Variants in KCNIP3 observed in about 807,000 individuals in gnomAD.
The protein encoded by KCNIP3 is calsenilin.
KCNIP3 carries 28 observed loss-of-function variants against 35.0 expected under a neutral mutation model. That is an observed-to-expected ratio of 0.80 (90% CI 0.59 to 1.10). The LOEUF (loss-of-function observed/expected upper bound fraction) is 1.10, where lower values mean the gene tolerates loss of function less well. Among genes scored for constraint, KCNIP3 ranks in the 50% least tolerant of loss-of-function variants. The probability of loss-of-function intolerance (pLI) is 0.00; values close to 1 mark genes in which losing one functional copy is unlikely to be tolerated. For synonymous variants in KCNIP3, 134 were observed against 133.8 expected (o/e 1.00, Z -0.01); for missense variants, 295 against 338.4 (o/e 0.87, Z 1.01).
At chr2:95,317,575 G>A (rs1678489067) in intron 2 of KCNIP3, among the ~76,000 whole-genome samples, 1 of 152,184 alleles carries the variant, frequency 6.6e-6, no homozygotes, top group African/African-American at 2.4e-5. Context: ...CAGAAGCAGG[G>A]ACAGAAAGCA....
At chr2:95,309,481 T>C (rs1431722018) in intron 1 of KCNIP3, among the ~76,000 whole-genome samples, 1 of 150,494 alleles carries the variant, frequency 6.6e-6, no homozygotes, top group East Asian at 1.9e-4. Context: ...TGGAGTGCAG[T>C]GGCATGATCT....
At chr2:95,381,793 C>G in intron 6 of KCNIP3, 90 bp downstream of exon 6, 3 of 895,360 alleles carry the variant, frequency 3.4e-6, no homozygotes, top group South Asian at 2.9e-5. Flanking sequence ...GCTCCTGCTG[C>G]CCACCTGTCT....
intron 1 of KCNIP3, among the ~76,000 whole-genome samples, chr2:95,306,449 G>A (rs1360602012): frequency 2.0e-5 from 3 of 152,226 alleles, no homozygotes; most frequent in African/African-American, 4.8e-5. Flanking sequence ...GAGCTGATGC[G>A]CTAAAGGGGA....
Position 95,310,430 on chromosome 2 carries a change from A to C in KCNIP3, c.91A>C (p.Lys31Gln). The change falls in exon 2 of 9, where the codon AAG becomes CAG. Residue 31 changes from lysine to glutamine, a missense_variant. Lys to Gln is a moderately conservative substitution (Grantham distance 53). Coordinates refer to ENST00000295225, the MANE Select transcript of KCNIP3 (RefSeq NM_013434.5). ...HTPLSKKEGI[K>Q]WQRPRLSRQA... Reference sequence around the variant, plus strand: ...ACCACTTAGCAAGAAGGAGGGTATCAAGTGGCAGAGGCCGAGGCTCAGCCG... The same window carrying C: ...ACCACTTAGCAAGAAGGAGGGTATCCAGTGGCAGAGGCCGAGGCTCAGCCG... 6.2e-7 allele frequency: 1 copy of C among 1,613,930 alleles called. No homozygotes were observed. Among genetic ancestry groups the C allele is most frequent in the Non-Finnish European group, 8.5e-7 (1 of 1,179,922 alleles).
At chr2:95,326,896 C>T (rs540086628) in intron 2 of KCNIP3, among the ~76,000 whole-genome samples, 1 of 152,318 alleles carries the variant, frequency 6.6e-6, no homozygotes, top group Admixed American at 6.5e-5. Context: ...GGCACTCATG[C>T]GTGGGGCCCT....
intron 1 of KCNIP3, among the ~76,000 whole-genome samples, chr2:95,298,207 G>A (rs1166072858): frequency 7.7e-6 from 1 of 129,622 alleles, no homozygotes; most frequent in Non-Finnish European, 1.6e-5. Flanking sequence ...CCTGTGAGCT[G>A]CTCACACATT....
intron 2 of KCNIP3, chr2:95,346,901 A>C: frequency 4.6e-6 from 2 of 436,374 alleles, no homozygotes; most frequent in Non-Finnish European, 7.4e-6. Flanking sequence ...TGCCGGGGGC[A>C]TGTGAGCCGT....
chr2:95,332,811 G>T (rs1336445338), intron 2 of KCNIP3, among the ~76,000 whole-genome samples: 1 of 152,152 alleles, frequency 6.6e-6, no homozygotes, highest in African/African-American at 2.4e-5. Context: ...TCAGACCTGG[G>T]TTCTCAAGCC....
intron 5 of KCNIP3, 38 bp downstream of exon 5, chr2:95,375,246 T>A: frequency 6.3e-7 from 1 of 1,575,306 alleles, no homozygotes; most frequent in Non-Finnish European, 8.7e-7. Flanking sequence ...GTCCTGCCCC[T>A]GTGGTTGCAG....
intron 5 of KCNIP3, among the ~76,000 whole-genome samples, chr2:95,380,431 C>T (rs540550789): frequency 6.6e-6 from 1 of 152,282 alleles, no homozygotes; most frequent in Non-Finnish European, 1.5e-5. Flanking sequence ...GGTGCATGGC[C>T]CTGTCCCTTG....
chr2:95,382,454 G>A lies in KCNIP3; in HGVS notation c.633G>A (p.Pro211=), dbSNP rs138092705. 47 of 1,608,600 alleles carry A rather than the reference G, an allele frequency of 2.9e-5. No individual in the cohort carries two copies. Among genetic ancestry groups the A allele is most frequent in the African/African-American group, 1.7e-4 (13 of 74,688 alleles). Reference sequence around the variant, plus strand: ...ACCCCATCCTGCGGGAGGACGCGCCGGCGGAGCACGTGGAGAGGTTCTTCG... The same window carrying A: ...ACCCCATCCTGCGGGAGGACGCGCCAGCGGAGCACGTGGAGAGGTTCTTCG... ...HTYPILREDA[P]AEHVERFFEK... The change falls in exon 7 of 9, where the codon CCG becomes CCA. Residue 211 remains proline, a synonymous_variant. Coordinates refer to ENST00000295225, the MANE Select transcript of KCNIP3 (RefSeq NM_013434.5). The surrounding 1 kb of genome is among the most constrained non-coding windows in gnomAD (Gnocchi z 4.5).
intron 2 of KCNIP3, among the ~76,000 whole-genome samples, chr2:95,328,654 G>A (rs1225543420): frequency 6.6e-6 from 1 of 152,270 alleles, no homozygotes; most frequent in East Asian, 1.9e-4. Context: ...TGCCGTCCCT[G>A]TGTGCTGGGG....
chr2:95,334,035 T>G (rs1163296236), intron 2 of KCNIP3, among the ~76,000 whole-genome samples: 1 of 152,210 alleles, frequency 6.6e-6, no homozygotes, highest in Non-Finnish European at 1.5e-5. Flanking sequence ...AAGACACCCT[T>G]GGGCCCTCGG....
At chr2:95,343,179 G>C (rs910798546) in intron 2 of KCNIP3, among the ~76,000 whole-genome samples, 1 of 152,100 alleles carries the variant, frequency 6.6e-6, no homozygotes, top group African/African-American at 2.4e-5. Context: ...AGGCTGGACG[G>C]GGTGGGGACA....
At chr2:95,348,060 C>A (rs1397063230) in intron 2 of KCNIP3, among the ~76,000 whole-genome samples, 2 of 152,262 alleles carry the variant, frequency 1.3e-5, no homozygotes, top group African/African-American at 2.4e-5. Flanking sequence ...TCCATTCTAC[C>A]TTCGATGTCC....
At chr2:95,355,763 G>A (rs950646284) in intron 2 of KCNIP3, among the ~76,000 whole-genome samples, 1 of 152,114 alleles carries the variant, frequency 6.6e-6, no homozygotes, top group African/African-American at 2.4e-5. Context: ...CATTTGGGTT[G>A]GTTCCGAGTC....
At chr2:95,333,205 T>C (rs532847286) in intron 2 of KCNIP3, among the ~76,000 whole-genome samples, 8 of 152,358 alleles carry the variant, frequency 5.3e-5, no homozygotes, top group Middle Eastern at 3.4e-3. Flanking sequence ...GACTTGGCCA[T>C]GCCCTTATAA....
At chr2:95,308,196 C>A (rs2104206647) in intron 1 of KCNIP3, among the ~76,000 whole-genome samples, 1 of 152,318 alleles carries the variant, frequency 6.6e-6, no homozygotes, top group South Asian at 2.1e-4. Context: ...ACCCGTCCAC[C>A]CCCAGCTCTC....
intron 2 of KCNIP3, chr2:95,355,000 G>A (rs1679620747): frequency 6.6e-6 from 1 of 152,250 alleles, no homozygotes; most frequent in African/African-American, 2.4e-5. Flanking sequence ...CTCTCTTTGG[G>A]GGCACTTTAT....
Sources: gnomAD v4.1 joint callset for allele counts (sites outside exome capture counted in the v4.1 genomes callset) on GRCh38, gnomAD v4.1.1 for gene constraint, Gnocchi (gnomAD v3.1) non-coding constraint, MANE v1.5 for transcripts, NCBI Gene and HGNC (gene_info 2026-07-23, HGNC 2026-07-21) for gene names.